Variants in RAB27A observed in about 807,000 individuals in gnomAD.
RAB27A encodes ras-related protein Rab-27A.
A neutral mutation model predicts 20.8 loss-of-function variants in RAB27A; 17 were observed. The observed-to-expected ratio is 0.82, with a 90% CI of 0.56 to 1.23. The LOEUF (loss-of-function observed/expected upper bound fraction) is 1.23, where lower values mean the gene tolerates loss of function less well. Among genes scored for constraint, RAB27A ranks in the 50% most tolerant of loss-of-function variants. The pLI is 0.00. For synonymous variants in RAB27A, 85 were observed against 92.8 expected (o/e 0.92, Z 0.48); for missense variants, 277 against 266.7 (o/e 1.04, Z -0.27).
At chr15:55,318,098 CTTT>C (rs200901102) in intron 1 of RAB27A, among the ~76,000 whole-genome samples, 52 of 131,392 alleles carry the variant, frequency 4.0e-4, no homozygotes, top group Admixed American at 5.2e-4. Flanking sequence ...CATACTTTTT[CTTT>C]TTTTTTTTTT....
At chr15:55,244,022 C>T (rs923868051) in intron 2 of RAB27A, among the ~76,000 whole-genome samples, 109 of 152,026 alleles carry the variant, frequency 7.2e-4, no homozygotes, top group African/African-American at 2.1e-3. Flanking sequence ...GAAGCTTGGG[C>T]GGGCACAGTG....
At chr15:55,222,324 G>C (rs1387150599) in intron 6 of RAB27A, among the ~76,000 whole-genome samples, 1 of 152,134 alleles carries the variant, frequency 6.6e-6, no homozygotes, top group Non-Finnish European at 1.5e-5. Flanking sequence ...CTAGCCTTGA[G>C]AAAAACCTAA....
At chr15:55,288,044 C>A (rs763322880) in intron 1 of RAB27A, among the ~76,000 whole-genome samples, 1 of 152,088 alleles carries the variant, frequency 6.6e-6, no homozygotes, top group African/African-American at 2.4e-5. Context: ...TATCCACATG[C>A]AAAAAGTTGA....
Position 55,268,465 on chromosome 15 carries a change from T to C in RAB27A, c.-23+1700A>G, listed in dbSNP as rs116772858. 3.7e-3 allele frequency among the ~76,000 whole-genome samples: 569 copies of C among 152,316 alleles called. 7 individuals carry two copies. The highest frequency in any genetic ancestry group is 0.013 in the African/African-American group (550 of 41,564). ...GAAGTCCTTCCACTCTCTTAATCTATGCTTATGGGTGCTCAGAGCACGGGA... is the reference window on the plus strand; with the variant it reads ...GAAGTCCTTCCACTCTCTTAATCTACGCTTATGGGTGCTCAGAGCACGGGA... On this transcript the variant is annotated intron_variant, in intron 2 of 6. Transcript: ENST00000336787.
At chr15:55,216,708 T>G (rs1895323716) in intron 6 of RAB27A, among the ~76,000 whole-genome samples, 1 of 152,154 alleles carries the variant, frequency 6.6e-6, no homozygotes, top group Non-Finnish European at 1.5e-5. Context: ...AGCTGATCTA[T>G]AAAATCTACA....
At chr15:55,241,570 A>G (rs1415261962) in intron 2 of RAB27A, among the ~76,000 whole-genome samples, 1 of 147,968 alleles carries the variant, frequency 6.8e-6, no homozygotes, top group Non-Finnish European at 1.5e-5. Context: ...CAGGAGTTCA[A>G]GACTAGCCCA....
At position 55,217,170 on chromosome 15, in the gene RAB27A, A is replaced by C. The variant is rs920774569; in HGVS notation, c.467+6719T>G. On this transcript the variant is annotated intron_variant, in intron 6 of 6. Coordinates refer to ENST00000336787, the MANE Select transcript of RAB27A (RefSeq NM_183235.3). ...CATGGGACCAGGAGTCAGGTTAACA[A>C]CTTTAAAAATCCTTAGACTAATCAC... is the stretch of plus-strand genomic sequence containing the variant. Among the ~76,000 whole-genome samples, 6 of 152,192 alleles carry C rather than the reference A, an allele frequency of 3.9e-5. 1 individual carries two copies. Among genetic ancestry groups the C allele is most frequent in the African/African-American group, 1.4e-4 (6 of 41,454 alleles).
At chr15:55,306,775 C>T (rs1483765837) in intron 2 of RAB27A, among the ~76,000 whole-genome samples, 3 of 152,092 alleles carry the variant, frequency 2.0e-5, no homozygotes, top group African/African-American at 4.8e-5. Context: ...TCCATAGAAA[C>T]GCTTGGTAAG....
intron 2 of RAB27A, among the ~76,000 whole-genome samples, chr15:55,311,105 G>A (rs1194491732): frequency 1.3e-5 from 2 of 152,120 alleles, no homozygotes; most frequent in Non-Finnish European, 2.9e-5. Context: ...TCTTTCCTCT[G>A]TTGTCACCCT....
chr15:55,258,906 C>T (rs902572962), intron 2 of RAB27A, among the ~76,000 whole-genome samples: 1 of 152,208 alleles, frequency 6.6e-6, no homozygotes, highest in Non-Finnish European at 1.5e-5. Context: ...CTCACTGCAA[C>T]CTCTGCCTCC....
chr15:55,246,907 G>C (rs1323712861), intron 2 of RAB27A, among the ~76,000 whole-genome samples: 1 of 152,078 alleles, frequency 6.6e-6, no homozygotes, highest in Non-Finnish European at 1.5e-5. Context: ...GTGAAACACA[G>C]ACTTCGGAGT....
chr15:55,228,568 G>A (rs555710412), intron 5 of RAB27A, 41 bp downstream of exon 5: 2 of 1,402,842 alleles, frequency 1.4e-6, no homozygotes, highest in South Asian at 1.2e-5. Flanking sequence ...ATAAATAAGA[G>A]GGGACTGTGT....
intron 2 of RAB27A, chr15:55,237,188 G>T (rs1181363659): frequency 1.3e-5 from 2 of 152,088 alleles, no homozygotes; most frequent in African/African-American, 2.4e-5. Context: ...CAGAAACTTG[G>T]CTGCCATATT....
In RAB27A at chr15:55,209,878, G is replaced by GTGTGTATACATATATACACATA. The variant is rs1566896298; in HGVS notation, c.468-4174_468-4173insTATGTGTATATATGTATACACA. The stretch of plus-strand genomic sequence containing the variant: ...TGTGTATATACATATATACATATAT[G>GTGTGTATACATATATACACATA]TGTGTGTATACATATATACACATAT... On this transcript the variant is annotated intron_variant, in intron 6 of 6. Coordinates refer to ENST00000336787, the MANE Select transcript of RAB27A (RefSeq NM_183235.3). Among the ~76,000 whole-genome samples, 3 of 4,736 alleles carry GTGTGTATACATATATACACATA rather than the reference G, an allele frequency of 6.3e-4. 1 individual carries two copies. The highest frequency in any genetic ancestry group is 0.045 in the East Asian group (1 of 22). 3.1% of individuals were successfully genotyped at this position (4,736 alleles called of 152,430 possible).
At chr15:55,206,184 C>G (rs918352458) in intron 6 of RAB27A, 1 of 308,818 alleles carries the variant, frequency 3.2e-6, no homozygotes, top group African/African-American at 2.3e-5. Flanking sequence ...GCACTCCAGC[C>G]TGGGCAATAG....
At chr15:55,294,149 G>T (rs2054937495), upstream of RAB27A, among the ~76,000 whole-genome samples, 1 of 151,844 alleles carries the variant, frequency 6.6e-6, no homozygotes, top group South Asian at 2.1e-4. Context: ...AAAAACCTAT[G>T]GTATTGATAT....
At chr15:55,214,201 C>T (rs1195202462) in intron 6 of RAB27A, among the ~76,000 whole-genome samples, 1 of 152,174 alleles carries the variant, frequency 6.6e-6, no homozygotes, top group Non-Finnish European at 1.5e-5. Context: ...CTTTGGGAGG[C>T]CAAGGCGGGC....
chr15:55,314,139 G>A (rs370439824), exon 2 of RAB27A: 2 of 149,184 alleles, frequency 1.3e-5, no homozygotes, highest in African/African-American at 5.0e-5. Flanking sequence ...ACTCCAGCCT[G>A]GGCATCACAG....
chr15:55,229,356 A>G, intron 4 of RAB27A, among the ~76,000 whole-genome samples: 1 of 152,214 alleles, frequency 6.6e-6, no homozygotes, highest in East Asian at 1.9e-4. Flanking sequence ...GTTTTTCTCA[A>G]ATACTTTTAA....
Sources: allele counts gnomAD v4.1 joint callset (sites outside exome capture counted in the v4.1 genomes callset), GRCh38; gene constraint gnomAD v4.1.1; transcripts MANE v1.5; gene names NCBI Gene and HGNC (gene_info 2026-07-23, HGNC 2026-07-21).